The following DCHS2 variants were observed in gnomAD, a reference collection of about 807,000 sequenced individuals.
DCHS2 encodes dachsous cadherin-related 2.
Under a neutral mutation model 182.4 loss-of-function variants are expected in DCHS2, and 142 were observed. That is an observed-to-expected ratio of 0.78 (90% CI 0.68 to 0.89). The LOEUF (loss-of-function observed/expected upper bound fraction) is 0.89, where lower values mean the gene tolerates loss of function less well. Among genes scored for constraint, DCHS2 ranks in the 40% least tolerant of loss-of-function variants. The probability of loss-of-function intolerance (pLI) is 0.00; values close to 1 mark genes in which losing one functional copy is unlikely to be tolerated. For missense variants in DCHS2, 4,319 were observed against 4,198.6 expected, an observed-to-expected ratio of 1.03 and a Z score of -0.79; for synonymous variants, 1,740 against 1,663.3, an observed-to-expected ratio of 1.05 and a Z score of -1.12.
chr4:154,446,119 AT>A (rs1734275836), intron 1 of DCHS2, among the ~76,000 whole-genome samples: 1 of 152,204 alleles, frequency 6.6e-6, no homozygotes, highest in Non-Finnish European at 1.5e-5. Flanking sequence ...CCTATGTTAG[AT>A]ATGTGGCGTC....
chr4:154,350,122 T>C (rs1302014542), intron 3 of DCHS2, among the ~76,000 whole-genome samples: 1 of 152,194 alleles, frequency 6.6e-6, no homozygotes, highest in African/African-American at 2.4e-5. Flanking sequence ...GGCTCTACCT[T>C]ACAGATCTCT....
At chr4:154,401,357 C>T (rs1009723159) in intron 1 of DCHS2, among the ~76,000 whole-genome samples, 2 of 152,138 alleles carry the variant, frequency 1.3e-5, no homozygotes, top group African/African-American at 4.8e-5. Flanking sequence ...TTTTTGCAGA[C>T]ATGTTTTCAT....
intron 13 of DCHS2, among the ~76,000 whole-genome samples, chr4:154,283,456 CA>C (rs70947155): frequency 0.018 from 2,266 of 126,582 alleles, 19 homozygotes; most frequent in Non-Finnish European, 0.019. Flanking sequence ...TAAGTTTAAG[CA>C]AAAAAAAAAA....
chr4:154,357,032 C>A (rs543643708), intron 3 of DCHS2, among the ~76,000 whole-genome samples: 1 of 152,114 alleles, frequency 6.6e-6, no homozygotes, highest in Admixed American at 6.5e-5. Flanking sequence ...AGGATTAAAG[C>A]AAGGGAGAAG....
intron 3 of DCHS2, among the ~76,000 whole-genome samples, chr4:154,342,601 C>T (rs1204690155): frequency 6.6e-6 from 1 of 152,192 alleles, no homozygotes; most frequent in African/African-American, 2.4e-5. Context: ...TCTCAAGAAA[C>T]CATTTTCTTT....
At position 154,351,821 on chromosome 4, in the gene DCHS2, G is replaced by A. The variant is rs114361260; in HGVS notation, c.2476+14389C>T. ...ATCTGACAGGAGGTAGAGCTCCGGC[G>A]GTAATGCTCACTCACCTCCCATTGT... On this transcript the variant is annotated intron_variant, in intron 3 of 19. Transcript: ENST00000357232. Among the ~76,000 whole-genome samples the A allele has an allele frequency of 9.5e-3, 1,446 of 152,182 alleles. 22 individuals carry two copies. Among genetic ancestry groups the A allele is most frequent in the African/African-American group, 0.033 (1,379 of 41,520 alleles).
At chr4:154,271,155 G>A (rs1733572038) in intron 13 of DCHS2, among the ~76,000 whole-genome samples, 1 of 152,104 alleles carries the variant, frequency 6.6e-6, no homozygotes, top group Non-Finnish European at 1.5e-5. Flanking sequence ...CAGGAGTGGG[G>A]AATAAATTTA....
At chr4:154,394,730 C>T (rs186318142) in intron 1 of DCHS2, among the ~76,000 whole-genome samples, 52 of 152,228 alleles carry the variant, frequency 3.4e-4, no homozygotes, top group African/African-American at 1.2e-3. Context: ...TGGTGCTATA[C>T]ATCACTTGCC....
rs537332348 is a variant in DCHS2 at position 154,357,603 on chromosome 4, T to C, written c.2476+8607A>G. Among the ~76,000 whole-genome samples, 18 of 152,316 alleles carry C rather than the reference T, an allele frequency of 1.2e-4. No homozygotes were observed. The East Asian group carries it at 3.5e-3, about 29-fold the overall frequency. On this transcript the variant is annotated intron_variant, in intron 3 of 19. Coordinates refer to ENST00000357232, the MANE Select transcript of DCHS2 (RefSeq NM_001358235.2). The stretch of plus-strand genomic sequence containing the variant: ...CTTTTGTCTCCTTACAGTCAGCTCC[T>C]TTCTTGCTGACCTGCCCATTGTACA...
At chr4:154,463,920 A>C (rs889192403) in intron 1 of DCHS2, among the ~76,000 whole-genome samples, 5 of 152,252 alleles carry the variant, frequency 3.3e-5, no homozygotes, top group African/African-American at 1.2e-4. Flanking sequence ...AATAAAAACC[A>C]TCAATAGTGA....
chr4:154,234,762 G>T lies in DCHS2; in HGVS notation c.9890C>A (p.Pro3297Gln), dbSNP rs61746111. 304 of 1,613,984 alleles carry T rather than the reference G, an allele frequency of 1.9e-4. 2 individuals carry two copies. The African/African-American group carries it at 3.5e-3, about 19-fold the overall frequency. Residue 3297 changes from proline (P) to glutamine (Q), a missense_variant, in exon 20 of 20, where the codon CCG becomes CAG. By Grantham distance (76) the Pro-to-Gln change is moderately conservative. Coordinates refer to ENST00000357232, the MANE Select transcript of DCHS2 (RefSeq NM_001358235.2). Reference sequence around the variant, plus strand: ...AGGCACCTGCCCCAGGTTTACTGCCGGCATTCTTGGTGGGACTGCTTTAAT... The same window carrying T: ...AGGCACCTGCCCCAGGTTTACTGCCTGCATTCTTGGTGGGACTGCTTTAAT... ...PGIKAVPPRMPAVNLGQVPPK... is the reference protein window; with the variant it reads ...PGIKAVPPRMQAVNLGQVPPK...
At chr4:154,380,177 T>A (rs1357311492) in intron 1 of DCHS2, among the ~76,000 whole-genome samples, 13 of 152,178 alleles carry the variant, frequency 8.5e-5, no homozygotes, top group Non-Finnish European at 2.9e-5. Flanking sequence ...CCTGCTTTAA[T>A]TGTCTATTTC....
intron 1 of DCHS2, among the ~76,000 whole-genome samples, chr4:154,382,862 G>C (rs1425531562): frequency 6.6e-6 from 1 of 152,160 alleles, no homozygotes; most frequent in Admixed American, 6.5e-5. Context: ...TGCTGATGAG[G>C]CTATGAAGAA....
At position 154,374,235 on chromosome 4, in the gene DCHS2, G is replaced by A. The variant is rs535344784; in HGVS notation, c.2244+3018C>T. 2.0e-5 allele frequency: 8 copies of A among 391,442 alleles called. No individual in the cohort carries two copies. In the South Asian group the frequency reaches 3.8e-4, roughly 19 times the overall value. 24.2% of individuals were successfully genotyped at this position (391,442 alleles called of 1,614,324 possible). A position where few individuals can be genotyped will look rare whatever the true frequency, so the allele number is the denominator to read the frequency against. On this transcript the variant is annotated intron_variant, in intron 2 of 19. Transcript: ENST00000357232. ...ACAAGGATCTCTGTGTCCTGCATCTGGCCACCAAAACCTGGAAACTAGTTG... is the reference window on the plus strand; with the variant it reads ...ACAAGGATCTCTGTGTCCTGCATCTAGCCACCAAAACCTGGAAACTAGTTG...
chr4:154,488,886 A>ATG (rs748997852), intron 1 of DCHS2, among the ~76,000 whole-genome samples: 3 of 117,918 alleles, frequency 2.5e-5, no homozygotes, highest in African/African-American at 9.1e-5. Context: ...AAATATATAT[A>ATG]TGTGTGTGTG....
intron 3 of DCHS2, among the ~76,000 whole-genome samples, chr4:154,339,402 T>C (rs1728958914): frequency 6.6e-6 from 1 of 152,146 alleles, no homozygotes; most frequent in Admixed American, 6.5e-5. Flanking sequence ...TCTGGGCATC[T>C]TGTGGACTAT....
intron 13 of DCHS2, among the ~76,000 whole-genome samples, chr4:154,291,833 T>A (rs916253207): frequency 2.0e-5 from 3 of 152,000 alleles, no homozygotes; most frequent in African/African-American, 7.3e-5. Flanking sequence ...GAAGTGGTAA[T>A]GGTGAATGGG....
At position 154,307,758 on chromosome 4, in the gene DCHS2, T is replaced by G. The variant is rs147664448; in HGVS notation, c.5261-2527A>C. ...ATGGATTGAGACAACTGCAGTGCTG[T>G]TGTATCTGGCAATCTTTCCAGGTGT... On this transcript the variant is annotated intron_variant, in intron 10 of 19. Transcript: ENST00000357232. Among the ~76,000 whole-genome samples the G allele has an allele frequency of 5.5e-4, 84 of 152,286 alleles. No individual in the cohort carries two copies. In the East Asian group the frequency reaches 0.014, roughly 24 times the overall value.
chr4:154,236,023 C>A lies in DCHS2; in HGVS notation c.8629G>T (p.Glu2877Ter). The A allele has an allele frequency of 6.2e-7, 1 of 1,613,902 alleles. No homozygotes were observed. The highest frequency in any genetic ancestry group is 1.1e-5 in the South Asian group (1 of 91,064). ...WVDIEGIDEF[E>*]PIFTQDQYFF... ...TACTGATCTTGAGTGAAAATGGGCT[C>A]AAATTCATCTATCCCTTCAATATCC... The change falls in exon 20 of 20, where the codon GAG (glutamate) becomes TAG (stop). Residue 2877 changes from glutamate to a stop codon, truncating the protein, a stop_gained. Transcript: ENST00000357232. LOFTEE classifies it low-confidence loss of function (END_TRUNC).
Sources: allele counts gnomAD v4.1 joint callset (sites outside exome capture counted in the v4.1 genomes callset), GRCh38; gene constraint gnomAD v4.1.1; transcripts MANE v1.5; gene names NCBI Gene and HGNC (gene_info 2026-07-23, HGNC 2026-07-21).